Variants in LRRTM4 observed in about 807,000 individuals in gnomAD.
LRRTM4 encodes the protein leucine-rich repeat transmembrane neuronal protein 4.
LRRTM4 carries 25 observed loss-of-function variants against 47.6 expected under a neutral mutation model. That is an observed-to-expected ratio of 0.53 (90% CI 0.38 to 0.73). LRRTM4 has a LOEUF of 0.73. LRRTM4 is among the 30% of genes least tolerant of loss of function. The pLI, the probability that LRRTM4 is intolerant of heterozygous loss-of-function variation, is 0.00. For synonymous variants in LRRTM4, 311 were observed against 269.5 expected (o/e 1.15, Z -1.51); for missense variants, 638 against 713.4 (o/e 0.89, Z 1.20).
intron 3 of LRRTM4, among the ~76,000 whole-genome samples, chr2:77,450,047 T>A (rs1676197444): frequency 6.6e-6 from 1 of 152,196 alleles, no homozygotes; most frequent in East Asian, 1.9e-4. Flanking sequence ...TCCCAGCACC[T>A]AGTTCAAGTA....
intron 3 of LRRTM4, among the ~76,000 whole-genome samples, chr2:77,205,305 A>C (rs1294714519): frequency 6.6e-6 from 1 of 152,164 alleles, no homozygotes; most frequent in Admixed American, 6.5e-5. Flanking sequence ...AAATAGGACG[A>C]TATCAGATAT....
At chr2:77,462,064 C>G (rs1001823110) in intron 3 of LRRTM4, among the ~76,000 whole-genome samples, 3 of 152,010 alleles carry the variant, frequency 2.0e-5, no homozygotes, top group Middle Eastern at 3.2e-3. Flanking sequence ...CTCATTTAAC[C>G]TAGCAGCAGA....
intron 3 of LRRTM4, among the ~76,000 whole-genome samples, chr2:76,974,137 TATAC>T (rs200519571): frequency 0.011 from 1,367 of 120,226 alleles, 23 homozygotes; most frequent in African/African-American, 0.056. Context: ...TGCTCATATA[TATAC>T]ATATATATAC....
intron 3 of LRRTM4, among the ~76,000 whole-genome samples, chr2:77,131,664 G>A (rs145165975): frequency 4.6e-5 from 7 of 152,200 alleles, no homozygotes; most frequent in Admixed American, 2.0e-4. Flanking sequence ...TTTACACTAT[G>A]GGGGAAATTA....
At chr2:76,928,155 T>C (rs1257232759) in intron 3 of LRRTM4, among the ~76,000 whole-genome samples, 1 of 152,170 alleles carries the variant, frequency 6.6e-6, no homozygotes, top group African/African-American at 2.4e-5. Flanking sequence ...CATGTGGATG[T>C]GGAAATTTAG....
intron 3 of LRRTM4, among the ~76,000 whole-genome samples, chr2:77,100,358 A>G (rs1166088546): frequency 6.6e-6 from 1 of 152,208 alleles, no homozygotes; most frequent in African/African-American, 2.4e-5. Context: ...TTCATACAAC[A>G]TAATAGGAAA....
chr2:76,854,055 C>G (rs900990426), intron 3 of LRRTM4, among the ~76,000 whole-genome samples: 5 of 152,118 alleles, frequency 3.3e-5, no homozygotes, highest in Non-Finnish European at 7.4e-5. Flanking sequence ...AGCAGTCACT[C>G]TGAGTTGGCA....
At chr2:76,772,752 G>C (rs989468633) in intron 3 of LRRTM4, among the ~76,000 whole-genome samples, 3 of 152,176 alleles carry the variant, frequency 2.0e-5, no homozygotes, top group Non-Finnish European at 4.4e-5. Context: ...TTGAGAAAGA[G>C]ACTGCAGTTG....
chr2:77,262,298 C>A (rs1037467351), intron 3 of LRRTM4, among the ~76,000 whole-genome samples: 1 of 151,960 alleles, frequency 6.6e-6, no homozygotes, highest in Admixed American at 6.6e-5. Context: ...AAACCATTCC[C>A]CCACCCCAGT....
intron 3 of LRRTM4, among the ~76,000 whole-genome samples, chr2:77,120,674 TG>T (rs1671500566): frequency 1.3e-5 from 2 of 151,856 alleles, no homozygotes; most frequent in African/African-American, 2.4e-5. Context: ...TCAAGTCCAC[TG>T]AGAAATATCT....
intron 3 of LRRTM4, among the ~76,000 whole-genome samples, chr2:76,987,180 A>T (rs13410070): frequency 0.062 from 9,427 of 151,714 alleles, 886 homozygotes; most frequent in African/African-American, 0.21. Context: ...TAATTTTTAT[A>T]TTTTCTTTTT....
chr2:77,366,261 A>G (rs1263433876), intron 3 of LRRTM4, among the ~76,000 whole-genome samples: 1 of 151,706 alleles, frequency 6.6e-6, no homozygotes, highest in African/African-American at 2.4e-5. Flanking sequence ...TACTCCACTT[A>G]ATTTCCTAGT....
chr2:76,764,271 G>A (rs1673369187), intron 3 of LRRTM4, among the ~76,000 whole-genome samples: 1 of 152,172 alleles, frequency 6.6e-6, no homozygotes, highest in Admixed American at 6.5e-5. Context: ...GAAAAAAAGA[G>A]AAAGCATGTT....
intron 3 of LRRTM4, among the ~76,000 whole-genome samples, chr2:76,787,732 A>G (rs1259706444): frequency 6.6e-5 from 10 of 152,196 alleles, no homozygotes; most frequent in Admixed American, 5.2e-4. Flanking sequence ...TTTTGCAACT[A>G]TGAAAAGAAA....
chr2:76,963,126 T>G (rs991733397), intron 3 of LRRTM4, among the ~76,000 whole-genome samples: 6 of 151,000 alleles, frequency 4.0e-5, no homozygotes, highest in Admixed American at 4.0e-4. Context: ...AAATGAAAAT[T>G]TTCAACTTAA....
chr2:77,129,181 A>T (rs1671730423), intron 3 of LRRTM4, among the ~76,000 whole-genome samples: 1 of 152,222 alleles, frequency 6.6e-6, no homozygotes, highest in Non-Finnish European at 1.5e-5. Flanking sequence ...GTGACTGACT[A>T]CATCAGTATT....
chr2:76,862,008 G>A (rs1477195545), intron 3 of LRRTM4, among the ~76,000 whole-genome samples: 1 of 151,760 alleles, frequency 6.6e-6, no homozygotes, highest in Non-Finnish European at 1.5e-5. Context: ...TTTTCAGGTT[G>A]TTTGTGTGCT....
intron 3 of LRRTM4, among the ~76,000 whole-genome samples, chr2:77,073,057 C>A (rs1441050570): frequency 6.6e-6 from 1 of 152,104 alleles, no homozygotes; most frequent in Non-Finnish European, 1.5e-5. Context: ...GAATATCAAT[C>A]TGCATCCCAG....
intron 3 of LRRTM4, among the ~76,000 whole-genome samples, chr2:77,328,239 G>A (rs1203541782): frequency 2.0e-5 from 3 of 152,182 alleles, no homozygotes; most frequent in African/African-American, 7.2e-5. Flanking sequence ...CAAAGGTGTA[G>A]GTGAAGGTTG....
Sources: allele counts gnomAD v4.1 joint callset (sites outside exome capture counted in the v4.1 genomes callset), GRCh38; gene constraint gnomAD v4.1.1; transcripts MANE v1.5; gene names NCBI Gene and HGNC (gene_info 2026-07-23, HGNC 2026-07-21).